Variants in RRP9 observed in about 807,000 individuals in gnomAD.
The protein encoded by RRP9 is ribosomal RNA processing 9, U3 small nucleolar RNA binding protein.
In RRP9, 35 loss-of-function variants were observed where a neutral mutation model predicts 65.5. The ratio of observed to expected loss-of-function variants is 0.53; its 90% CI spans 0.41 to 0.71. The LOEUF (loss-of-function observed/expected upper bound fraction) is 0.71, where lower values mean the gene tolerates loss of function less well. RRP9 is among the 30% of genes least tolerant of loss of function. RRP9 has a pLI of 0.00. For synonymous variants in RRP9, 254 were observed against 245.0 expected (o/e 1.04, Z -0.34); for missense variants, 533 against 633.6 (o/e 0.84, Z 1.70).
At chr3:51,938,247 C>T in intron 2 of RRP9, 43 bp from the exon 3 acceptor site, 1 of 1,432,864 alleles carries the variant, frequency 7.0e-7, no homozygotes, top group East Asian at 2.5e-5. Flanking sequence ...TCACCTTGTT[C>T]CTCTGACCGC....
At chr3:51,936,401 C>T (rs773990243) in intron 7 of RRP9, 30 bp downstream of exon 7, 17 of 1,614,098 alleles carry the variant, frequency 1.1e-5, no homozygotes, top group East Asian at 6.7e-5. Flanking sequence ...CCAGACCTCC[C>T]GCCTGCCCCC....
At position 51,936,452 on chromosome 3, in the gene RRP9, G is replaced by T; in HGVS notation, c.621C>A (p.Ile207=). 6.2e-7 allele frequency: 1 copy of T among 1,614,234 alleles called. No homozygotes were observed. The highest frequency in any genetic ancestry group is 8.5e-7 in the Non-Finnish European group (1 of 1,180,032). Reference sequence around the variant, plus strand: ...TTACAAGGTACTTGCCGTCGGAGGAGATGGCCATGCAGAGGACGTGGCTGC... The same window carrying T: ...TTACAAGGTACTTGCCGTCGGAGGATATGGCCATGCAGAGGACGTGGCTGC... ...GHSSHVLCMA[I]SSDGKYLASG... is the part of the protein sequence containing the mutation. Residue 207 remains isoleucine, a synonymous_variant, in exon 7 of 15, where the codon ATC becomes ATA. Transcript: ENST00000232888.
intron 2 of RRP9, among the ~76,000 whole-genome samples, chr3:51,939,525 C>CG (rs1179208926): frequency 6.6e-6 from 1 of 152,154 alleles, no homozygotes; most frequent in Non-Finnish European, 1.5e-5. Context: ...GGGCTGACTA[C>CG]GAAGGAGCAG....
At chr3:51,938,962 G>A (rs966769421) in intron 2 of RRP9, among the ~76,000 whole-genome samples, 3 of 152,092 alleles carry the variant, frequency 2.0e-5, no homozygotes, top group Admixed American at 6.5e-5. Context: ...GTGAAGTTAC[G>A]GCTTTCCCCT....
chr3:51,935,534 C>A (rs1699448541), intron 9 of RRP9, 58 bp from the exon 10 acceptor site: 1 of 1,613,616 alleles, frequency 6.2e-7, no homozygotes, highest in African/African-American at 1.3e-5. Context: ...AACTCACGGG[C>A]ACACACTCCC....
chr3:51,934,794 A>G lies in RRP9; in HGVS notation c.1035-18T>C. ...CCACAGAGCTATAAACAGGGAGGGA[A>G]TACAGCAGTGAGGGGGCCAGAGGCA... On this transcript the variant is annotated intron_variant, in intron 11 of 14. Coordinates refer to ENST00000232888, the MANE Select transcript of RRP9 (RefSeq NM_004704.5). The surrounding 1 kb of genome is among the most constrained non-coding windows in gnomAD (Gnocchi z 4.1). 6.2e-7 allele frequency: 1 copy of G among 1,606,462 alleles called. No homozygotes were observed. Among genetic ancestry groups the G allele is most frequent in the Admixed American group, 1.7e-5 (1 of 59,918 alleles).
chr3:51,940,889 A>C (rs1699514780), intron 2 of RRP9, among the ~76,000 whole-genome samples: 1 of 151,824 alleles, frequency 6.6e-6, no homozygotes, highest in South Asian at 2.1e-4. Flanking sequence ...TGCCTTCCCT[A>C]CCTCTCCGTG....
At position 51,937,520 on chromosome 3, in the gene RRP9, A is replaced by T. The variant is rs1699472644; in HGVS notation, c.390+25T>A. 2 of 1,614,016 alleles carry T rather than the reference A, an allele frequency of 1.2e-6. No homozygotes were observed. Among genetic ancestry groups the T allele is most frequent in the Non-Finnish European group, 1.7e-6 (2 of 1,180,012 alleles). Reference sequence around the variant, plus strand: ...GGGGCCCCCAATTCCCTCCAACCTTATACCAAAATACCATGCCCACTCACC... The same window carrying T: ...GGGGCCCCCAATTCCCTCCAACCTTTTACCAAAATACCATGCCCACTCACC... On this transcript the variant is annotated intron_variant, in intron 5 of 14. Coordinates refer to ENST00000232888, the MANE Select transcript of RRP9 (RefSeq NM_004704.5). This position sits in a 1 kb window ranked among gnomAD's most constrained non-coding sequence, Gnocchi z 5.0.
chr3:51,935,513 G>T lies in RRP9; in HGVS notation c.837-37C>A, dbSNP rs764685168. The stretch of plus-strand genomic sequence containing the variant: ...GGCAGAGCAGGATAGTGGGGATAGG[G>T]GTACTGCATGAACTCACGGGCACAC... On this transcript the variant is annotated intron_variant, in intron 9 of 14. Transcript: ENST00000232888. 1.9e-6 allele frequency: 3 copies of T among 1,613,930 alleles called. No homozygotes were observed. In the Admixed American group the frequency reaches 5.0e-5, roughly 27 times the overall value.
Position 51,935,706 on chromosome 3 carries a change from G to A in RRP9, c.736-14C>T. 6.2e-6 allele frequency: 10 copies of A among 1,606,484 alleles called. No homozygotes were observed. The highest frequency in any genetic ancestry group is 8.5e-6 in the Non-Finnish European group (10 of 1,173,056). On this transcript the variant is annotated splice_polypyrimidine_tract_variant and intron_variant, in intron 8 of 14. Coordinates refer to ENST00000232888, the MANE Select transcript of RRP9 (RefSeq NM_004704.5). ...GAATGCCAGACCCTAAGGGTGCATG[G>A]GGAGAGGGCAAAGGGGACCTGGACT...
chr3:51,937,985 C>G lies in RRP9; in HGVS notation c.280+110G>C, dbSNP rs933637237. On this transcript the variant is annotated intron_variant, in intron 3 of 14. Coordinates refer to ENST00000232888, the MANE Select transcript of RRP9 (RefSeq NM_004704.5). The surrounding 1 kb of genome is among the most constrained non-coding windows in gnomAD (Gnocchi z 5.0). ...CAGCCAGCACTGACAGCCTGGGCAC[C>G]CACTGGGAATCCATGTCAGTCACCC... is the stretch of plus-strand genomic sequence containing the variant. 3 of 1,055,744 alleles carry G rather than the reference C, an allele frequency of 2.8e-6. No individual in the cohort carries two copies. Among genetic ancestry groups the G allele is most frequent in the Middle Eastern group, 2.9e-4 (1 of 3,416 alleles). 65.4% of individuals were successfully genotyped at this position (1,055,744 alleles called of 1,614,324 possible).
rs756765944 is a variant in RRP9, at chr3:51,937,309, G to T, written c.400C>A (p.Pro134Thr). ...QKLVAKEIQA[P>T]ASADIRVLRG... is the part of the protein sequence containing the mutation. ...AAAACGCGAATGTCAGCTGAGGCTG[G>T]GGCCTGGATCTGGGCAGACAGGGGC... Residue 134 changes from proline (P) to threonine (T), a missense_variant, in exon 6 of 15, where the codon CCA (proline) becomes ACA (threonine). This residue lies in a region of RRP9 where 449 missense variants were observed against 550.6 expected (regional missense o/e 0.82). Coordinates refer to ENST00000232888, the MANE Select transcript of RRP9 (RefSeq NM_004704.5). The surrounding 1 kb of genome is among the most constrained non-coding windows in gnomAD (Gnocchi z 5.0). The T allele has an allele frequency of 1.2e-6, 2 of 1,614,128 alleles. No homozygotes were observed. The highest frequency in any genetic ancestry group is 1.1e-5 in the South Asian group (1 of 91,076).
chr3:51,937,759 A>G lies in RRP9; in HGVS notation c.281-23T>C. The G allele has an allele frequency of 6.2e-7, 1 of 1,613,316 alleles. No individual in the cohort carries two copies. Among genetic ancestry groups the G allele is most frequent in the Non-Finnish European group, 8.5e-7 (1 of 1,179,784 alleles). ...CCTCTGTGCAGGACAGACCAGACCA[A>G]GTAAACTGAGGCTGAGACCCCTCTT... On this transcript the variant is annotated intron_variant, in intron 3 of 14. Transcript: ENST00000232888. The surrounding 1 kb of genome is among the most constrained non-coding windows in gnomAD (Gnocchi z 5.0).
intron 14 of RRP9, 45 bp from the exon 15 acceptor site, chr3:51,933,644 C>T (rs879227329): frequency 1.9e-6 from 3 of 1,610,660 alleles, no homozygotes; most frequent in East Asian, 4.5e-5. Context: ...CCAGTCTCCA[C>T]CCCATTTCCA....
Position 51,933,531 on chromosome 3 carries a change from G to A in RRP9, c.1403C>T (p.Pro468Leu). 6.2e-7 allele frequency: 1 copy of A among 1,614,064 alleles called. No homozygotes were observed. ...SVCIIPLRRV[P>L]VPPAAGS ...TCAGGAACCAGCAGCTGGGGGTACA[G>A]GGACCCTGCGGAGTGGGATGATGCA... The change falls in exon 15 of 15, where the codon CCT becomes CTT. Residue 468 changes from proline to leucine, a missense_variant. Coordinates refer to ENST00000232888, the MANE Select transcript of RRP9 (RefSeq NM_004704.5).
Position 51,937,759 on chromosome 3 carries a change from A to C in RRP9, c.281-23T>G, listed in dbSNP as rs1489778339. On this transcript the variant is annotated intron_variant, in intron 3 of 14. Coordinates refer to ENST00000232888, the MANE Select transcript of RRP9 (RefSeq NM_004704.5). The surrounding 1 kb of genome is among the most constrained non-coding windows in gnomAD (Gnocchi z 5.0). Reference sequence around the variant, plus strand: ...CCTCTGTGCAGGACAGACCAGACCAAGTAAACTGAGGCTGAGACCCCTCTT... The same window carrying C: ...CCTCTGTGCAGGACAGACCAGACCACGTAAACTGAGGCTGAGACCCCTCTT... 3 of 1,613,194 alleles carry C rather than the reference A, an allele frequency of 1.9e-6. No individual in the cohort carries two copies. In the Admixed American group the frequency reaches 5.0e-5, roughly 27 times the overall value.
intron 6 of RRP9, 119 bp from the exon 7 acceptor site, chr3:51,936,674 G>C: frequency 8.8e-7 from 1 of 1,134,344 alleles, no homozygotes; most frequent in South Asian, 1.5e-5. Flanking sequence ...TCGGCCAGAA[G>C]ACCTGGCTCA....
chr3:51,934,797 C>G lies in RRP9; in HGVS notation c.1035-21G>C, dbSNP rs1408023007. On this transcript the variant is annotated intron_variant, in intron 11 of 14. Coordinates refer to ENST00000232888, the MANE Select transcript of RRP9 (RefSeq NM_004704.5). This position sits in a 1 kb window ranked among gnomAD's most constrained non-coding sequence, Gnocchi z 4.1. ...CAGAGCTATAAACAGGGAGGGAATA[C>G]AGCAGTGAGGGGGCCAGAGGCAGAA... The G allele has an allele frequency of 6.2e-7, 1 of 1,605,590 alleles. No individual in the cohort carries two copies. Among genetic ancestry groups the G allele is most frequent in the Non-Finnish European group, 8.5e-7 (1 of 1,175,230 alleles).
In RRP9 at chr3:51,941,474, G is replaced by A. The variant is rs774153281; in HGVS notation, c.105C>T (p.Asp35=). 4 of 1,613,876 alleles carry A rather than the reference G, an allele frequency of 2.5e-6. No individual in the cohort carries two copies. The highest frequency in any genetic ancestry group is 2.5e-6 in the Non-Finnish European group (3 of 1,180,014). ...KRRRKADSAG[D]RGKSKGGGKM... is the part of the protein sequence containing the mutation. ...TGCCGCCACCCTTGGATTTGCCCCTGTCCCCCGCAGAGTCGGCCTGGGAAT... is the reference window on the plus strand; with the variant it reads ...TGCCGCCACCCTTGGATTTGCCCCTATCCCCCGCAGAGTCGGCCTGGGAAT... The change falls in exon 2 of 15, where the codon GAC becomes GAT. Residue 35 remains aspartate (D), a synonymous_variant. Coordinates refer to ENST00000232888, the MANE Select transcript of RRP9 (RefSeq NM_004704.5).
Sources: allele counts gnomAD v4.1 joint callset (sites outside exome capture counted in the v4.1 genomes callset), GRCh38; gene constraint gnomAD v4.1.1; regional missense constraint gnomAD v4.1.1; non-coding constraint Gnocchi (gnomAD v3.1); transcripts MANE v1.5; gene names NCBI Gene and HGNC (gene_info 2026-07-23, HGNC 2026-07-21).